The following TMPRSS15 variants were observed in gnomAD, a reference collection of about 807,000 sequenced individuals.
The protein encoded by TMPRSS15 is enteropeptidase.
In TMPRSS15, 128 loss-of-function variants were observed where a neutral mutation model predicts 125.3. That is an observed-to-expected ratio of 1.02 (90% CI 0.89 to 1.18). The LOEUF (loss-of-function observed/expected upper bound fraction) is 1.18. Ranked by LOEUF, TMPRSS15 falls within the 50% of genes most tolerant of loss-of-function variation. The probability of loss-of-function intolerance (pLI) is 0.00; values close to 1 mark genes in which losing one functional copy is unlikely to be tolerated. For synonymous variants in TMPRSS15, 446 were observed against 423.2 expected (o/e 1.05, Z -0.66); for missense variants, 1,283 against 1,212.7 (o/e 1.06, Z -0.86).
chr21:18,440,370 C>T (rs1243609006), intron 1 of TMPRSS15, among the ~76,000 whole-genome samples: 3 of 6,484 alleles, frequency 4.6e-4, no homozygotes, highest in Middle Eastern at 0.17. Context: ...GAAACTCCGT[C>T]TCAAAAAAAA....
intron 21 of TMPRSS15, among the ~76,000 whole-genome samples, chr21:18,287,451 C>A (rs1002572033): frequency 5.3e-5 from 8 of 152,062 alleles, no homozygotes; most frequent in African/African-American, 1.9e-4. Context: ...TTAAAATATT[C>A]CTTCTTTGTG....
intron 13 of TMPRSS15, among the ~76,000 whole-genome samples, chr21:18,338,735 A>C (rs1421678472): frequency 1.1e-5 from 1 of 92,032 alleles, no homozygotes; most frequent in Non-Finnish European, 2.2e-5. Context: ...AGATAAAGAG[A>C]GAGAAAGAGA....
At chr21:18,308,077 T>G (rs1490217390) in intron 18 of TMPRSS15, among the ~76,000 whole-genome samples, 1 of 152,128 alleles carries the variant, frequency 6.6e-6, no homozygotes, top group Non-Finnish European at 1.5e-5. Flanking sequence ...GAAACTAAGT[T>G]CCTGAGTCTA....
chr21:18,364,674 A>G (rs2075709050), intron 7 of TMPRSS15, among the ~76,000 whole-genome samples: 1 of 152,206 alleles, frequency 6.6e-6, no homozygotes, highest in African/African-American at 2.4e-5. Flanking sequence ...AATGTCTTTC[A>G]AGATATAGTA....
intron 13 of TMPRSS15, among the ~76,000 whole-genome samples, chr21:18,334,529 T>C (rs1050231803): frequency 1.3e-5 from 2 of 152,176 alleles, no homozygotes; most frequent in Non-Finnish European, 1.5e-5. Context: ...TAAGGATTTT[T>C]TGGATTGTTG....
intron 1 of TMPRSS15, among the ~76,000 whole-genome samples, chr21:18,437,861 C>T (rs1028826258): frequency 9.9e-5 from 15 of 152,100 alleles, no homozygotes; most frequent in Admixed American, 3.9e-4. Flanking sequence ...AATAGGAACA[C>T]TTTTACACTG....
intron 21 of TMPRSS15, among the ~76,000 whole-genome samples, chr21:18,292,958 G>GT (rs2074856273): frequency 6.6e-6 from 1 of 152,176 alleles, no homozygotes; most frequent in Non-Finnish European, 1.5e-5. Context: ...TCTCCAGGAT[G>GT]TAACACTCAA....
chr21:18,335,732 T>C (rs1435954637), intron 13 of TMPRSS15, among the ~76,000 whole-genome samples: 1 of 152,228 alleles, frequency 6.6e-6, no homozygotes, highest in East Asian at 1.9e-4. Context: ...TAAGTCATTC[T>C]AAATATGACA....
chr21:18,379,405 T>A, intron 4 of TMPRSS15, 87 bp from the exon 5 acceptor site: 1 of 568,430 alleles, frequency 1.8e-6, no homozygotes, highest in Non-Finnish European at 2.8e-6. Context: ...GTATAATAAT[T>A]AACCTAAGAA....
At chr21:18,390,180 A>T (rs1049144892) in intron 3 of TMPRSS15, among the ~76,000 whole-genome samples, 17 of 152,156 alleles carry the variant, frequency 1.1e-4, no homozygotes, top group Admixed American at 5.2e-4. Context: ...ACTTTCCATG[A>T]CCCACCCTTT....
chr21:18,303,079 T>C (rs1035484012), intron 18 of TMPRSS15, among the ~76,000 whole-genome samples: 3 of 152,222 alleles, frequency 2.0e-5, no homozygotes, highest in Admixed American at 2.0e-4. Context: ...TTAGCATTTA[T>C]CTTATTTCGT....
chr21:18,359,943 T>C, intron 7 of TMPRSS15, 80 bp from the exon 8 acceptor site: 1 of 723,532 alleles, frequency 1.4e-6, no homozygotes, highest in Non-Finnish European at 2.5e-6. Context: ...TTTGTATGTG[T>C]TTTCTTGTGG....
intron 6 of TMPRSS15, among the ~76,000 whole-genome samples, chr21:18,369,725 A>G (rs1334067804): frequency 6.6e-6 from 1 of 152,158 alleles, no homozygotes; most frequent in Non-Finnish European, 1.5e-5. Context: ...AAATTTTTCC[A>G]TGAATATAGA....
At chr21:18,396,200 T>C (rs903508944) in intron 3 of TMPRSS15, among the ~76,000 whole-genome samples, 2 of 152,228 alleles carry the variant, frequency 1.3e-5, no homozygotes, top group Non-Finnish European at 2.9e-5. Flanking sequence ...AAGAGAAGTT[T>C]CCTTTTCCAT....
At chr21:18,360,246 C>A (rs1161817918) in intron 7 of TMPRSS15, among the ~76,000 whole-genome samples, 1 of 152,052 alleles carries the variant, frequency 6.6e-6, no homozygotes, top group Non-Finnish European at 1.5e-5. Flanking sequence ...TCTCAAGGTT[C>A]TTCTATGTTG....
intron 1 of TMPRSS15, among the ~76,000 whole-genome samples, chr21:18,410,479 T>C (rs912151890): frequency 6.6e-6 from 1 of 152,134 alleles, no homozygotes; most frequent in Admixed American, 6.5e-5. Context: ...TATTTCAGGT[T>C]GCCTGCTTAC....
At chr21:18,281,622 A>C (rs1415193516) in intron 21 of TMPRSS15, among the ~76,000 whole-genome samples, 2 of 152,054 alleles carry the variant, frequency 1.3e-5, no homozygotes, top group Non-Finnish European at 2.9e-5. Flanking sequence ...AAATCTCCAA[A>C]TTTGTGCTAC....
rs189137575 is a variant in TMPRSS15 at position 18,303,102 on chromosome 21, A to G, written c.2166-5273T>C. 4.2e-4 allele frequency among the ~76,000 whole-genome samples: 64 copies of G among 152,236 alleles called. No homozygotes were observed. In the East Asian group the frequency reaches 0.012, roughly 28 times the overall value. On this transcript the variant is annotated intron_variant, in intron 18 of 24. Transcript: ENST00000284885. ...TATCTTATTTCGTCAGGAAAATTACATGGTTTTTTAATGTTTTCCTTTTTG... is the reference window on the plus strand; with the variant it reads ...TATCTTATTTCGTCAGGAAAATTACGTGGTTTTTTAATGTTTTCCTTTTTG...
intron 1 of TMPRSS15, among the ~76,000 whole-genome samples, chr21:18,401,027 A>G (rs1270098075): frequency 6.6e-6 from 1 of 152,190 alleles, no homozygotes; most frequent in East Asian, 1.9e-4. Context: ...AACCACAATG[A>G]GATACCATCT....
Sources: gnomAD v4.1 joint callset for allele counts (sites outside exome capture counted in the v4.1 genomes callset) on GRCh38, gnomAD v4.1.1 for gene constraint, MANE v1.5 for transcripts, NCBI Gene and HGNC (gene_info 2026-07-23, HGNC 2026-07-21) for gene names.